Variants in GTF2F2 observed in about 807,000 individuals in gnomAD.
GTF2F2 encodes ATP-dependent helicase GTF2F2.
In GTF2F2, 23 loss-of-function variants were observed where a neutral mutation model predicts 42.2. That is an observed-to-expected ratio of 0.55 (90% CI 0.39 to 0.77). The LOEUF is 0.77. GTF2F2 is among the 30% of genes least tolerant of loss of function. The pLI is 0.00. For synonymous variants in GTF2F2, 105 were observed against 100.8 expected (o/e 1.04, Z -0.25); for missense variants, 261 against 287.2 (o/e 0.91, Z 0.66).
At chr13:45,267,126 G>A (rs1566156478) in intron 6 of GTF2F2, 107 bp from the exon 7 acceptor site, 2 of 876,250 alleles carry the variant, frequency 2.3e-6, no homozygotes, top group East Asian at 2.6e-5. Flanking sequence ...TCCAGCCTGG[G>A]CAACAAGAGC....
intron 5 of GTF2F2, among the ~76,000 whole-genome samples, chr13:45,243,706 G>A (rs772289643): frequency 4.5e-4 from 68 of 152,084 alleles, no homozygotes; most frequent in Non-Finnish European, 8.5e-4. Context: ...TGTCACCCAG[G>A]CTGGAGTGCA....
intron 4 of GTF2F2, among the ~76,000 whole-genome samples, chr13:45,197,439 G>T (rs1872956250): frequency 6.6e-6 from 1 of 151,006 alleles, no homozygotes; most frequent in South Asian, 2.1e-4. Context: ...AGCCCGGGAG[G>T]TGGAGGTTGC....
At chr13:45,244,929 C>T (rs943305453) in intron 5 of GTF2F2, among the ~76,000 whole-genome samples, 2 of 152,164 alleles carry the variant, frequency 1.3e-5, no homozygotes, top group African/African-American at 4.8e-5. Context: ...TCCCAAAATG[C>T]TGGGATTACA....
intron 3 of GTF2F2, among the ~76,000 whole-genome samples, chr13:45,150,611 C>T (rs1366207848): frequency 6.8e-6 from 1 of 147,256 alleles, no homozygotes; most frequent in South Asian, 2.1e-4. Flanking sequence ...GATAGTAAGA[C>T]ATGATCCCTT....
chr13:45,238,743 G>A (rs143308932), intron 5 of GTF2F2, among the ~76,000 whole-genome samples: 7,443 of 151,824 alleles, frequency 0.049, 589 homozygotes, highest in African/African-American at 0.17. Context: ...TTGGGAGTTC[G>A]AGACCAGCCT....
At chr13:45,270,572 C>T (rs1430579225) in intron 7 of GTF2F2, among the ~76,000 whole-genome samples, 1 of 152,128 alleles carries the variant, frequency 6.6e-6, no homozygotes, top group Non-Finnish European at 1.5e-5. Context: ...GGCAGAACCC[C>T]CATGACCTAG....
intron 3 of GTF2F2, 66 bp downstream of exon 3, chr13:45,149,854 A>T: frequency 7.1e-7 from 1 of 1,408,058 alleles, no homozygotes; most frequent in Non-Finnish European, 9.5e-7. Flanking sequence ...TAATAGTGAA[A>T]AAAGAGTGTT....
chr13:45,214,772 T>C lies in GTF2F2; in HGVS notation c.386+7267T>C, dbSNP rs75685318. On this transcript the variant is annotated intron_variant, in intron 5 of 7. Transcript: ENST00000340473. Reference sequence around the variant, plus strand: ...TCCCTAGTCTTTGAATGGTGGCTTATGTGCCCACTCTATAATTCATATTGT... The same window carrying C: ...TCCCTAGTCTTTGAATGGTGGCTTACGTGCCCACTCTATAATTCATATTGT... 1.8e-4 allele frequency among the ~76,000 whole-genome samples: 28 copies of C among 152,220 alleles called. No individual in the cohort carries two copies. The East Asian group carries it at 5.4e-3, about 29-fold the overall frequency.
intron 5 of GTF2F2, among the ~76,000 whole-genome samples, chr13:45,246,184 ATT>A (rs1224198452): frequency 2.7e-5 from 4 of 149,736 alleles, no homozygotes; most frequent in African/African-American, 9.8e-5. Flanking sequence ...AATTTTTTGT[ATT>A]TTTTTTAGTA....
chr13:45,130,932 C>T lies in GTF2F2; in HGVS notation c.67-5801C>T, dbSNP rs548615867. ...TCATACAGATGGTATTTTAAAGCCA[C>T]GAGACTGGATGAAGTTACTTAAGAT... On this transcript the variant is annotated intron_variant, in intron 1 of 7. Coordinates refer to ENST00000340473, the MANE Select transcript of GTF2F2 (RefSeq NM_004128.3). 3.0e-4 allele frequency among the ~76,000 whole-genome samples: 46 copies of T among 152,164 alleles called. No individual in the cohort carries two copies. In the East Asian group the frequency reaches 8.7e-3, roughly 29 times the overall value.
chr13:45,188,067 AGC>A (rs1483213126), intron 4 of GTF2F2, among the ~76,000 whole-genome samples: 1 of 152,054 alleles, frequency 6.6e-6, no homozygotes, highest in Admixed American at 6.5e-5. Flanking sequence ...CACCATGCCC[AGC>A]TAATGTTTAT....
At chr13:45,207,156 T>C (rs77707633) in intron 4 of GTF2F2, 5,321 of 336,796 alleles carry the variant, frequency 0.016, 249 homozygotes, top group African/African-American at 0.092. Flanking sequence ...AGCTACCTTA[T>C]TTAGAAGGAG....
chr13:45,199,347 G>T (rs1204838422), intron 4 of GTF2F2, among the ~76,000 whole-genome samples: 1 of 152,176 alleles, frequency 6.6e-6, no homozygotes, highest in African/African-American at 2.4e-5. Flanking sequence ...CAGAAGTTCA[G>T]GTGAAATTCC....
At chr13:45,195,426 T>C (rs1389326547) in intron 4 of GTF2F2, among the ~76,000 whole-genome samples, 1 of 152,194 alleles carries the variant, frequency 6.6e-6, no homozygotes, top group Non-Finnish European at 1.5e-5. Context: ...TAGAAAATAC[T>C]GTGACTGTGT....
At chr13:45,271,393 A>G (rs1247779835) in intron 7 of GTF2F2, among the ~76,000 whole-genome samples, 2 of 150,024 alleles carry the variant, frequency 1.3e-5, no homozygotes, top group Non-Finnish European at 3.0e-5. Context: ...ATTTTATTTT[A>G]TTTTATTTTT....
intron 7 of GTF2F2, among the ~76,000 whole-genome samples, chr13:45,274,534 T>A (rs1311350753): frequency 2.0e-5 from 3 of 152,068 alleles, no homozygotes; most frequent in Non-Finnish European, 4.4e-5. Context: ...TTTCACTGTA[T>A]TAGCCAGGAT....
intron 4 of GTF2F2, among the ~76,000 whole-genome samples, chr13:45,197,940 C>T (rs1872982943): frequency 6.6e-6 from 1 of 152,166 alleles, no homozygotes; most frequent in Non-Finnish European, 1.5e-5. Flanking sequence ...TCCACTTGGC[C>T]ACTAGATTTG....
intron 2 of GTF2F2, among the ~76,000 whole-genome samples, chr13:45,148,974 G>C (rs1175726876): frequency 1.3e-5 from 2 of 151,988 alleles, no homozygotes; most frequent in African/African-American, 4.8e-5. Context: ...GAGGAAAATT[G>C]CTCATAATTT....
intron 5 of GTF2F2, among the ~76,000 whole-genome samples, chr13:45,230,548 A>G (rs565786267): frequency 1.3e-5 from 2 of 152,328 alleles, no homozygotes; most frequent in Non-Finnish European, 2.9e-5. Flanking sequence ...ATTGTCTTGT[A>G]TTTACTACAA....
Sources: allele counts gnomAD v4.1 joint callset (sites outside exome capture counted in the v4.1 genomes callset), GRCh38; gene constraint gnomAD v4.1.1; transcripts MANE v1.5; gene names NCBI Gene and HGNC (gene_info 2026-07-23, HGNC 2026-07-21).